GNRHR: variants seen among roughly 807,000 people sequenced by gnomAD.
GNRHR encodes the protein gonadotropin releasing hormone receptor.
Under a neutral mutation model 28.1 loss-of-function variants are expected in GNRHR, and 14 were observed. The observed-to-expected ratio is 0.50, with a 90% CI of 0.33 to 0.78. The LOEUF (loss-of-function observed/expected upper bound fraction) is 0.78. GNRHR is among the 30% of genes least tolerant of loss of function. The probability of loss-of-function intolerance (pLI) is 0.02; values close to 1 mark genes in which losing one functional copy is unlikely to be tolerated. For missense variants in GNRHR, 366 were observed against 382.1 expected (o/e 0.96, Z 0.35); for synonymous variants, 141 against 140.5 (o/e 1.00, Z -0.02).
chr4:67,738,574 A>T lies in GNRHR; in HGVS notation c.*1906T>A, dbSNP rs1311262817. On this transcript the variant is annotated 3_prime_UTR_variant, in exon 3 of 3. Transcript: ENST00000226413. ...AAAGCCCTTAGATTGTATCTGTACAAGTGTGTTATTTTTGATTTTAAATCC... is the reference window on the plus strand; with the variant it reads ...AAAGCCCTTAGATTGTATCTGTACATGTGTGTTATTTTTGATTTTAAATCC... 6.6e-6 allele frequency among the ~76,000 whole-genome samples: 1 copy of T among 151,944 alleles called. No homozygotes were observed. The highest frequency in any genetic ancestry group is 1.5e-5 in the Non-Finnish European group (1 of 67,878).
intron 1 of GNRHR, among the ~76,000 whole-genome samples, chr4:67,745,522 A>C (rs1731739309): frequency 1.3e-5 from 2 of 152,150 alleles, no homozygotes; most frequent in South Asian, 4.1e-4. Context: ...ATAAATGAAA[A>C]GGAATAAACG....
intron 2 of GNRHR, among the ~76,000 whole-genome samples, chr4:67,743,558 A>T (rs962686727): frequency 6.6e-6 from 1 of 152,174 alleles, no homozygotes; most frequent in Non-Finnish European, 1.5e-5. Context: ...GTATTAATCA[A>T]ATAAATAAAA....
rs1306234253 is a variant in GNRHR at position 67,753,246 on chromosome 4, TTCAGTCC to T, written c.522+561_522+567del. On this transcript the variant is annotated intron_variant, in intron 1 of 2. Coordinates refer to ENST00000226413, the MANE Select transcript of GNRHR (RefSeq NM_000406.3). ...CAAGATGTCTTACTTTTCTTCTATA[TTCAGTCC>T]CACTTAGCTGCAAACTGCAGAGCAA... 6.1e-4 allele frequency among the ~76,000 whole-genome samples: 93 copies of T among 152,338 alleles called. 2 individuals are homozygous for T. In the South Asian group the frequency reaches 0.019, roughly 31 times the overall value.
chr4:67,741,429 T>C (rs1332579399), intron 2 of GNRHR, among the ~76,000 whole-genome samples: 2 of 152,184 alleles, frequency 1.3e-5, no homozygotes, highest in Non-Finnish European at 2.9e-5. Context: ...ATATACCACA[T>C]TTTTTTATTC....
rs1469273874 is a variant in GNRHR at position 67,744,765 on chromosome 4, T to C, written c.545A>G (p.His182Arg). The change falls in exon 2 of 3, where the codon CAT becomes CGT. Residue 182 changes from histidine to arginine, a missense_variant. His to Arg is a conservative substitution (Grantham distance 29). Coordinates refer to ENST00000226413, the MANE Select transcript of GNRHR (RefSeq NM_000406.3). ...TGTCTGTCCAGAGCTGTCTGCTAGA[T>C]GAATCATCCTGAAGATGTATAACTG... ...GPQLYIFRMI[H>R]LADSSGQTKV... 3 of 1,577,666 alleles carry C rather than the reference T, an allele frequency of 1.9e-6. No homozygotes were observed. Among genetic ancestry groups the C allele is most frequent in the African/African-American group, 2.7e-5 (2 of 74,206 alleles).
rs1731592199 is a variant in GNRHR, at chr4:67,738,443, A to G, written c.*2037T>C. Among the ~76,000 whole-genome samples the G allele has an allele frequency of 3.3e-5, 5 of 151,916 alleles. No individual in the cohort carries two copies. The South Asian group carries it at 1.0e-3, about 32-fold the overall frequency. ...AAGATTTCGAATAGCCCTTTAGTTA[A>G]TGTGTAAAAAAAAAAAATGCCTGAG... is the stretch of plus-strand genomic sequence containing the variant. On this transcript the variant is annotated 3_prime_UTR_variant, in exon 3 of 3. Transcript: ENST00000226413.
chr4:67,752,376 A>G (rs1731885244), intron 1 of GNRHR, among the ~76,000 whole-genome samples: 1 of 129,836 alleles, frequency 7.7e-6, no homozygotes, highest in Admixed American at 7.6e-5. Flanking sequence ...CATGACCAGC[A>G]TTTAAGCAAT....
chr4:67,744,032 G>T (rs554222400), intron 2 of GNRHR, among the ~76,000 whole-genome samples: 23 of 152,270 alleles, frequency 1.5e-4, no homozygotes, highest in Admixed American at 3.9e-4. Flanking sequence ...TTTTGGGAAT[G>T]CACCATTTTA....
At chr4:67,753,755 A>G in intron 1 of GNRHR, 59 bp downstream of exon 1, 1 of 1,419,754 alleles carries the variant, frequency 7.0e-7, no homozygotes. Flanking sequence ...CCTTATATCA[A>G]ATTTAGATAG....
Position 67,738,815 on chromosome 4 carries a change from A to G in GNRHR, c.*1665T>C, listed in dbSNP as rs901017165. On this transcript the variant is annotated 3_prime_UTR_variant, in exon 3 of 3. Transcript: ENST00000226413. ...GGCCATGAATTGGTTAATTAAAGGT[A>G]TGAGTTTAATGGAAAAGAAGCTATG... Among the ~76,000 whole-genome samples the G allele has an allele frequency of 6.6e-6, 1 of 151,998 alleles. No homozygotes were observed. Among genetic ancestry groups the G allele is most frequent in the African/African-American group, 2.4e-5 (1 of 41,432 alleles).
intron 1 of GNRHR, among the ~76,000 whole-genome samples, chr4:67,751,946 CGGATCATTTCAAT>C (rs1560519419): frequency 6.6e-6 from 1 of 152,146 alleles, no homozygotes; most frequent in East Asian, 1.9e-4. Flanking sequence ...CCCTTCCCAC[CGGATCATTTCAAT>C]GGTTTTACTA....
In GNRHR at chr4:67,754,264, C is replaced by T; in HGVS notation, c.72G>A (p.Met24Ile). The T allele has an allele frequency of 6.2e-7, 1 of 1,613,390 alleles. No individual in the cohort carries two copies. The highest frequency in any genetic ancestry group is 8.5e-7 in the Non-Finnish European group (1 of 1,179,418). ...CSAINNSIPL[M>I]QGNLPTLTLS... is the part of the protein sequence containing the mutation. ...AGGTCAGAGTGGGGAGGTTGCCCTG[C>T]ATCAGTGGGATGCTGTTGTTGATGG... The change falls in exon 1 of 3, where the codon ATG (methionine) becomes ATA (isoleucine). Residue 24 changes from methionine to isoleucine, a missense_variant. Physicochemically the swap from Met to Ile is conservative, Grantham distance 10. Coordinates refer to ENST00000226413, the MANE Select transcript of GNRHR (RefSeq NM_000406.3).
intron 1 of GNRHR, among the ~76,000 whole-genome samples, chr4:67,746,775 C>T (rs1281708982): frequency 1.3e-5 from 2 of 151,880 alleles, no homozygotes; most frequent in African/African-American, 4.8e-5. Context: ...CTCCCACTCC[C>T]ATCACCTCAA....
chr4:67,752,826 A>G (rs1731896468), intron 1 of GNRHR, among the ~76,000 whole-genome samples: 1 of 151,574 alleles, frequency 6.6e-6, no homozygotes, highest in South Asian at 2.1e-4. Context: ...TTGTTTTTTA[A>G]CCATCTGGTC....
chr4:67,751,361 C>T (rs558978704), intron 1 of GNRHR, among the ~76,000 whole-genome samples: 12 of 152,190 alleles, frequency 7.9e-5, no homozygotes, highest in South Asian at 6.2e-4. Flanking sequence ...ATAGAGTTAA[C>T]GTAAATATCA....
chr4:67,743,693 C>T (rs977064837), intron 2 of GNRHR, among the ~76,000 whole-genome samples: 4 of 152,060 alleles, frequency 2.6e-5, no homozygotes, highest in Non-Finnish European at 5.9e-5. Flanking sequence ...TTCTTATTTT[C>T]CCTCTACCCT....
At position 67,754,357 on chromosome 4, in the gene GNRHR, A is replaced by G. The variant is rs1731931364; in HGVS notation, c.-22T>C. On this transcript the variant is annotated 5_prime_UTR_variant, in exon 1 of 3. It removes the in-frame stop codon of an upstream open reading frame in the 5' UTR. Transcript: ENST00000226413. ...CCATATTTTCCCAGGACAGAGCTTC[A>G]AGCCTTGTGTCTCTGGTGCATCTGA... 1.3e-6 allele frequency: 2 copies of G among 1,594,910 alleles called. No homozygotes were observed. The highest frequency in any genetic ancestry group is 2.7e-5 in the African/African-American group (2 of 74,684).
In GNRHR at chr4:67,750,489, A is replaced by G. The variant is rs186777438; in HGVS notation, c.522+3325T>C. On this transcript the variant is annotated intron_variant, in intron 1 of 2. Coordinates refer to ENST00000226413, the MANE Select transcript of GNRHR (RefSeq NM_000406.3). ...TATAGAATTTTTTAAAAAGAATTCT[A>G]TTACTAGCATAAAGTTTGAAAGTTT... Among the ~76,000 whole-genome samples, 124 of 152,328 alleles carry G rather than the reference A, an allele frequency of 8.1e-4. 3 individuals carry two copies. The highest frequency in any genetic ancestry group is 8.0e-3 in the Admixed American group (122 of 15,282).
chr4:67,738,469 G>A lies in GNRHR; in HGVS notation c.*2011C>T, dbSNP rs950784124. ...TGTGTAAAAAAAAAAAATGCCTGAGGCAATTCCTAAGACAGAGAGATCCAT... is the reference window on the plus strand; with the variant it reads ...TGTGTAAAAAAAAAAAATGCCTGAGACAATTCCTAAGACAGAGAGATCCAT... On this transcript the variant is annotated 3_prime_UTR_variant, in exon 3 of 3. Coordinates refer to ENST00000226413, the MANE Select transcript of GNRHR (RefSeq NM_000406.3). Among the ~76,000 whole-genome samples the A allele has an allele frequency of 6.6e-6, 1 of 151,668 alleles. No homozygotes were observed. Among genetic ancestry groups the A allele is most frequent in the Non-Finnish European group, 1.5e-5 (1 of 67,786 alleles).
Sources: gnomAD v4.1 joint callset for allele counts (sites outside exome capture counted in the v4.1 genomes callset) on GRCh38, gnomAD v4.1.1 for gene constraint, MANE v1.5 for transcripts, NCBI Gene and HGNC (gene_info 2026-07-23, HGNC 2026-07-21) for gene names.